Variants in PHACTR4 observed in about 807,000 individuals in gnomAD.
The protein encoded by PHACTR4 is phosphatase and actin regulator 4.
A neutral mutation model predicts 72.7 loss-of-function variants in PHACTR4; 51 were observed. The ratio of observed to expected loss-of-function variants is 0.70; its 90% CI spans 0.56 to 0.89. The LOEUF (loss-of-function observed/expected upper bound fraction) is 0.89. Ranked by LOEUF, PHACTR4 falls within the 40% of genes least tolerant of loss-of-function variation. The probability of loss-of-function intolerance (pLI) is 0.00; values close to 1 mark genes in which losing one functional copy is unlikely to be tolerated. For missense variants in PHACTR4, 731 were observed against 861.8 expected (o/e 0.85, Z 1.90); for synonymous variants, 255 against 302.5 (o/e 0.84, Z 1.63).
chr1:28,401,080 GCT>G (rs1653910647), intron 1 of PHACTR4, among the ~76,000 whole-genome samples: 1 of 152,062 alleles, frequency 6.6e-6, no homozygotes, highest in Non-Finnish European at 1.5e-5. Context: ...TCTGCAACTG[GCT>G]CTCTCTGCCT....
intron 2 of PHACTR4, 139 bp from the exon 3 acceptor site, chr1:28,458,946 G>C (rs1429273788): frequency 1.6e-6 from 1 of 642,178 alleles, no homozygotes; most frequent in African/African-American, 1.8e-5. Flanking sequence ...TGATGTCCAG[G>C]AGTCTCCCTG....
chr1:28,474,454 T>C (rs1659787749), intron 7 of PHACTR4, among the ~76,000 whole-genome samples: 1 of 127,114 alleles, frequency 7.9e-6, no homozygotes, highest in Non-Finnish European at 1.6e-5. Flanking sequence ...AACAGGGAGG[T>C]GGAGGTTGCA....
At chr1:28,376,697 T>C (rs1651702609) in intron 1 of PHACTR4, among the ~76,000 whole-genome samples, 1 of 151,230 alleles carries the variant, frequency 6.6e-6, no homozygotes, top group African/African-American at 2.4e-5. Flanking sequence ...AGTGCAGTGG[T>C]GCAATCTCGG....
intron 1 of PHACTR4, among the ~76,000 whole-genome samples, chr1:28,401,877 C>T (rs1221219813): frequency 6.6e-6 from 1 of 152,130 alleles, no homozygotes; most frequent in African/African-American, 2.4e-5. Context: ...GCGATTATAG[C>T]CATCAGCCAC....
chr1:28,391,220 A>T (rs1427014935), intron 1 of PHACTR4, among the ~76,000 whole-genome samples: 5 of 149,650 alleles, frequency 3.3e-5, no homozygotes, highest in Non-Finnish European at 7.4e-5. Flanking sequence ...TAACATGGTG[A>T]AACCCCGTCT....
At chr1:28,377,238 T>G (rs959670857) in intron 1 of PHACTR4, among the ~76,000 whole-genome samples, 2 of 125,978 alleles carry the variant, frequency 1.6e-5, no homozygotes, top group African/African-American at 6.4e-5. Context: ...GCACCCAGCC[T>G]TTTTTTTTTT....
At chr1:28,382,332 C>T (rs1652238304) in intron 1 of PHACTR4, among the ~76,000 whole-genome samples, 1 of 150,494 alleles carries the variant, frequency 6.6e-6, no homozygotes, top group Admixed American at 6.6e-5. Context: ...GAGACAGAGT[C>T]TCCCTCTGTT....
intron 9 of PHACTR4, among the ~76,000 whole-genome samples, chr1:28,485,299 A>G (rs1660562292): frequency 1.3e-5 from 2 of 152,172 alleles, no homozygotes; most frequent in Non-Finnish European, 2.9e-5. Context: ...TTTATAGTTA[A>G]TACTGTAGAC....
intron 9 of PHACTR4, among the ~76,000 whole-genome samples, chr1:28,484,833 GCA>G (rs1413700993): frequency 2.0e-5 from 3 of 151,938 alleles, no homozygotes; most frequent in African/African-American, 7.3e-5. Context: ...CCGGGTGGTG[GCA>G]GGCACCTGTA....
intron 8 of PHACTR4, among the ~76,000 whole-genome samples, chr1:28,478,425 G>A (rs779846995): frequency 2.0e-5 from 3 of 151,866 alleles, no homozygotes; most frequent in African/African-American, 4.8e-5. Context: ...TTGCTGGATC[G>A]TATGGTAGTT....
chr1:28,444,420 G>A (rs1270609174), intron 2 of PHACTR4, among the ~76,000 whole-genome samples: 1 of 150,260 alleles, frequency 6.7e-6, no homozygotes, highest in African/African-American at 2.4e-5. Flanking sequence ...AATACAGACA[G>A]GGTTTCACCA....
At chr1:28,433,221 C>T (rs895627384) in intron 2 of PHACTR4, among the ~76,000 whole-genome samples, 1 of 152,042 alleles carries the variant, frequency 6.6e-6, no homozygotes, top group Non-Finnish European at 1.5e-5. Flanking sequence ...GTGATTCTTC[C>T]TTTTACATTT....
intron 7 of PHACTR4, 98 bp downstream of exon 7, chr1:28,474,249 G>A: frequency 1.8e-6 from 2 of 1,130,986 alleles, no homozygotes; most frequent in Non-Finnish European, 2.5e-6. Flanking sequence ...GCCGGGCCTA[G>A]TGGCCCACAC....
intron 2 of PHACTR4, among the ~76,000 whole-genome samples, chr1:28,428,525 G>A (rs1047006864): frequency 2.0e-5 from 3 of 152,142 alleles, no homozygotes; most frequent in Admixed American, 1.3e-4. Flanking sequence ...CTTTCATTTT[G>A]TGGAGCTGAA....
rs1160986187 is a variant in PHACTR4 at position 28,395,874 on chromosome 1, G to A, written c.-38-11536G>A. ...GACGGGGTTTCACCGTGTTAGCCAG[G>A]ATGGTCTCGATCTCCTGACCTCGTG... is the stretch of plus-strand genomic sequence containing the variant. On this transcript the variant is annotated intron_variant, in intron 1 of 13. Coordinates refer to ENST00000373839, the MANE Select transcript of PHACTR4 (RefSeq NM_001048183.3). Among the ~76,000 whole-genome samples the A allele has an allele frequency of 1.3e-3, 130 of 101,214 alleles. No individual in the cohort carries two copies. The Middle Eastern group carries it at 0.015, about 12-fold the overall frequency. 66.4% of individuals were successfully genotyped at this position (101,214 alleles called of 152,430 possible).
At chr1:28,464,044 C>CT (rs74771369) in intron 4 of PHACTR4, among the ~76,000 whole-genome samples, 1,669 of 131,324 alleles carry the variant, frequency 0.013, 30 homozygotes, top group African/African-American at 0.028. Context: ...ATAACCATTT[C>CT]TTTTTTTTTT....
chr1:28,411,040 G>T (rs1654751440), intron 2 of PHACTR4, among the ~76,000 whole-genome samples: 1 of 151,044 alleles, frequency 6.6e-6, no homozygotes, highest in East Asian at 1.9e-4. Context: ...TTTTTGGTTT[G>T]TTTTTGTTTT....
rs188348648 is a variant in PHACTR4 at position 28,426,234 on chromosome 1, G to A, written c.16+18771G>A. Among the ~76,000 whole-genome samples the A allele has an allele frequency of 3.8e-3, 571 of 149,974 alleles. 8 individuals carry two copies. Among genetic ancestry groups the A allele is most frequent in the African/African-American group, 0.013 (546 of 40,506 alleles). ...AGAAACCTTCTCAAAAAAAAAAATT[G>A]TGAATATAAATAGTCCAATAGTTTG... is the stretch of plus-strand genomic sequence containing the variant. On this transcript the variant is annotated intron_variant, in intron 2 of 13. Coordinates refer to ENST00000373839, the MANE Select transcript of PHACTR4 (RefSeq NM_001048183.3).
At chr1:28,448,277 A>G (rs1369292660) in intron 2 of PHACTR4, among the ~76,000 whole-genome samples, 1 of 152,050 alleles carries the variant, frequency 6.6e-6, no homozygotes, top group East Asian at 1.9e-4. Context: ...GCACTTTGGG[A>G]GGTCGAAGCG....
Sources: gnomAD v4.1 joint callset for allele counts (sites outside exome capture counted in the v4.1 genomes callset) on GRCh38, gnomAD v4.1.1 for gene constraint, MANE v1.5 for transcripts, NCBI Gene and HGNC (gene_info 2026-07-23, HGNC 2026-07-21) for gene names.